The following KLHL20 variants were observed in gnomAD, a reference collection of about 807,000 sequenced individuals.
KLHL20 encodes kelch like family member 20.
A neutral mutation model predicts 69.5 loss-of-function variants in KLHL20; 29 were observed. The ratio of observed to expected loss-of-function variants is 0.42; its 90% CI spans 0.31 to 0.57. KLHL20 has a LOEUF of 0.57. Among genes scored for constraint, KLHL20 ranks in the 20% least tolerant of loss-of-function variants. The pLI is 0.18. For synonymous variants in KLHL20, 253 were observed against 265.2 expected, an observed-to-expected ratio of 0.95 and a Z score of 0.45; for missense variants, 419 against 776.0, an observed-to-expected ratio of 0.54 and a Z score of 5.47.
chr1:173,770,679 T>TA (rs1189985770), intron 8 of KLHL20, among the ~76,000 whole-genome samples: 11 of 109,930 alleles, frequency 1.0e-4, no homozygotes, highest in African/African-American at 5.3e-4. Context: ...AAACTCTCTC[T>TA]CAAAAAAAAA....
chr1:173,715,758 C>T (rs1671438585), intron 1 of KLHL20: 4 of 404,666 alleles, frequency 9.9e-6, no homozygotes, highest in Non-Finnish European at 1.8e-5. Context: ...ACAAGACTGA[C>T]CTAACAGTCG....
At chr1:173,742,889 A>G (rs1024163242) in intron 3 of KLHL20, among the ~76,000 whole-genome samples, 15 of 151,990 alleles carry the variant, frequency 9.9e-5, no homozygotes, top group Admixed American at 2.0e-4. Context: ...GCAGGATGCA[A>G]TCCAGACACC....
rs1647701435 is a variant in KLHL20 at position 173,766,292 on chromosome 1, G to A, written c.1295+3G>A. 1.3e-6 allele frequency: 2 copies of A among 1,573,358 alleles called. No individual in the cohort carries two copies. The highest frequency in any genetic ancestry group is 4.6e-5 in the East Asian group (2 of 43,512). ...TCTTGCCTCAACATTGTTGAGAGGT[G>A]ATCTTTTTTTTAAGTCATTTTCCGT... On this transcript the variant is annotated splice_donor_region_variant and intron_variant, in intron 8 of 11. Transcript: ENST00000209884.
chr1:173,743,157 A>T (rs1186321887), intron 3 of KLHL20, among the ~76,000 whole-genome samples: 1 of 151,622 alleles, frequency 6.6e-6, no homozygotes, highest in Non-Finnish European at 1.5e-5. Context: ...GAAAATAAAC[A>T]TGAAAGGATG....
At position 173,733,958 on chromosome 1, in the gene KLHL20, G is replaced by A; in HGVS notation, c.269G>A (p.Ser90Asn). 1 of 1,614,216 alleles carries A rather than the reference G, an allele frequency of 6.2e-7. No individual in the cohort carries two copies. The highest frequency in any genetic ancestry group is 8.5e-7 in the Non-Finnish European group (1 of 1,180,044). Residue 90 changes from serine (S) to asparagine (N), a missense_variant, in exon 3 of 12, where the codon AGT becomes AAT. Transcript: ENST00000209884. ...YAHRVILSAC[S>N]PYFRAMFTGE... ...CATCGAGTCATTTTGTCAGCCTGTAGTCCCTACTTCCGAGCTATGTTTACA... is the reference window on the plus strand; with the variant it reads ...CATCGAGTCATTTTGTCAGCCTGTAATCCCTACTTCCGAGCTATGTTTACA...
At chr1:173,728,787 G>A (rs1411980110) in intron 2 of KLHL20, among the ~76,000 whole-genome samples, 2 of 151,286 alleles carry the variant, frequency 1.3e-5, no homozygotes, top group Non-Finnish European at 3.0e-5. Context: ...AGAAGAGAAA[G>A]CAGGAAAGAC....
intron 3 of KLHL20, among the ~76,000 whole-genome samples, chr1:173,741,367 C>G (rs1258055712): frequency 6.6e-6 from 1 of 152,140 alleles, no homozygotes; most frequent in African/African-American, 2.4e-5. Flanking sequence ...TACTTTAATA[C>G]CACCCTTCTG....
chr1:173,721,450 G>C (rs1279864096), intron 2 of KLHL20, among the ~76,000 whole-genome samples: 1 of 152,160 alleles, frequency 6.6e-6, no homozygotes, highest in Non-Finnish European at 1.5e-5. Context: ...TGAGTTCTTA[G>C]TTGTCTCTGC....
At chr1:173,757,486 A>G (rs1673601199) in intron 7 of KLHL20, among the ~76,000 whole-genome samples, 1 of 151,776 alleles carries the variant, frequency 6.6e-6, no homozygotes, top group South Asian at 2.1e-4. Context: ...TCCCTGGGAT[A>G]CTTCTGCCAC....
chr1:173,764,142 A>T (rs867395238), intron 7 of KLHL20, among the ~76,000 whole-genome samples: 2 of 152,236 alleles, frequency 1.3e-5, no homozygotes, highest in Non-Finnish European at 2.9e-5. Context: ...CATCACAATG[A>T]TCAGGGAAAT....
intron 2 of KLHL20, among the ~76,000 whole-genome samples, chr1:173,716,879 C>CT (rs1234232908): frequency 6.6e-6 from 1 of 152,144 alleles, no homozygotes; most frequent in Non-Finnish European, 1.5e-5. Context: ...GAATGTATAT[C>CT]TTTATCCAAA....
Position 173,716,012 on chromosome 1 carries a change from T to TA in KLHL20, c.-31dup, listed in dbSNP as rs758061946. ...TTTTCTGTTGTCTTAGGTTCGGCTT[T>TA]AGAGTGTGGTGAAGGGTACTTTTCA... On this transcript the variant is annotated 5_prime_UTR_variant, in exon 2 of 12. Coordinates refer to ENST00000209884, the MANE Select transcript of KLHL20 (RefSeq NM_014458.4). The TA allele has an allele frequency of 2.8e-5, 45 of 1,611,990 alleles. No homozygotes were observed. The highest frequency in any genetic ancestry group is 2.0e-4 in the Admixed American group (12 of 59,894).
Position 173,715,997 on chromosome 1 carries a change from T to A in KLHL20, c.-41-6T>A, listed in dbSNP as rs370337380. 40 of 1,600,174 alleles carry A rather than the reference T, an allele frequency of 2.5e-5. No homozygotes were observed. The African/African-American group carries it at 5.0e-4, about 20-fold the overall frequency. ...TTATTAAGTTCCTGCTTTTCTGTTGTCTTAGGTTCGGCTTTAGAGTGTGGT... is the reference window on the plus strand; with the variant it reads ...TTATTAAGTTCCTGCTTTTCTGTTGACTTAGGTTCGGCTTTAGAGTGTGGT... On this transcript the variant is annotated splice_polypyrimidine_tract_variant and splice_region_variant and intron_variant, in intron 1 of 11. Coordinates refer to ENST00000209884, the MANE Select transcript of KLHL20 (RefSeq NM_014458.4).
chr1:173,721,617 T>G (rs745939379), intron 2 of KLHL20, among the ~76,000 whole-genome samples: 2 of 152,246 alleles, frequency 1.3e-5, no homozygotes, highest in Non-Finnish European at 2.9e-5. Context: ...TCTCGATCAC[T>G]GGACCAAGGC....
At chr1:173,784,671 G>A (rs956953201) in intron 11 of KLHL20, among the ~76,000 whole-genome samples, 3 of 152,302 alleles carry the variant, frequency 2.0e-5, no homozygotes, top group Middle Eastern at 3.4e-3. Context: ...ACTAGATGCT[G>A]ACTTTACTCA....
At chr1:173,725,927 G>A (rs548403732) in intron 2 of KLHL20, among the ~76,000 whole-genome samples, 34 of 152,296 alleles carry the variant, frequency 2.2e-4, no homozygotes, top group African/African-American at 6.7e-4. Flanking sequence ...CACACCGAGC[G>A]TGAGCCAAAG....
chr1:173,738,257 C>T (rs922817013), intron 3 of KLHL20, among the ~76,000 whole-genome samples: 1 of 152,100 alleles, frequency 6.6e-6, no homozygotes, highest in Non-Finnish European at 1.5e-5. Flanking sequence ...CAGCTTTGAC[C>T]TCCAGGGCAC....
intron 11 of KLHL20, among the ~76,000 whole-genome samples, chr1:173,784,340 T>C (rs1649072114): frequency 6.6e-6 from 1 of 152,198 alleles, no homozygotes; most frequent in African/African-American, 2.4e-5. Flanking sequence ...TGGCAGGATA[T>C]TTTCTTCCAT....
intron 2 of KLHL20, among the ~76,000 whole-genome samples, chr1:173,718,532 C>A (rs1475364164): frequency 2.7e-5 from 4 of 146,512 alleles, no homozygotes; most frequent in African/African-American, 7.6e-5. Context: ...GGCAACAGAG[C>A]AAGACAGTGT....
Sources: allele counts gnomAD v4.1 joint callset (sites outside exome capture counted in the v4.1 genomes callset), GRCh38; gene constraint gnomAD v4.1.1; transcripts MANE v1.5; gene names NCBI Gene and HGNC (gene_info 2026-07-23, HGNC 2026-07-21).